The following EML4 variants were observed in gnomAD, a reference collection of about 807,000 sequenced individuals.
The protein encoded by EML4 is echinoderm microtubule-associated protein-like 4.
Under a neutral mutation model 129.0 loss-of-function variants are expected in EML4, and 72 were observed. The ratio of observed to expected loss-of-function variants is 0.56; its 90% CI spans 0.46 to 0.68. The LOEUF (loss-of-function observed/expected upper bound fraction) is 0.68, where lower values mean the gene tolerates loss of function less well. Among genes scored for constraint, EML4 ranks in the 30% least tolerant of loss-of-function variants. EML4 has a pLI of 0.00. For missense variants in EML4, 1,363 were observed against 1,190.6 expected (o/e 1.14, Z -2.13); for synonymous variants, 532 against 405.0 (o/e 1.31, Z -3.77).
intron 17 of EML4, among the ~76,000 whole-genome samples, chr2:42,312,159 G>T (rs1433496950): frequency 6.6e-6 from 1 of 152,166 alleles, no homozygotes; most frequent in Non-Finnish European, 1.5e-5. Context: ...AATTCGGTTA[G>T]CTTCCTGGAA....
At chr2:42,256,387 ATACTT>A in intron 2 of EML4, 109 bp from the exon 3 acceptor site, 1 of 973,082 alleles carries the variant, frequency 1.0e-6, no homozygotes, top group Non-Finnish European at 1.5e-6. Flanking sequence ...AAACAATAAT[ATACTT>A]AATTTTTTTT....
chr2:42,290,599 G>A (rs1424613415), intron 11 of EML4, among the ~76,000 whole-genome samples: 1 of 151,834 alleles, frequency 6.6e-6, no homozygotes, highest in Non-Finnish European at 1.5e-5. Context: ...GGGTATGGTG[G>A]TGCACATTTG....
chr2:42,325,563 G>C lies in EML4; in HGVS notation c.2242+9G>C, dbSNP rs1669740169. 1.2e-6 allele frequency: 1 copy of C among 855,336 alleles called. No homozygotes were observed. Among genetic ancestry groups the C allele is most frequent in the Non-Finnish European group, 1.7e-6 (1 of 573,786 alleles). The allele number at this position is 855,336 out of a possible 1,614,324, so 53.0% of individuals were successfully genotyped here. A position where few individuals can be genotyped will look rare whatever the true frequency, so the allele number is the denominator to read the frequency against. ...CTATGAAATATTGTACTGTAAGTAT[G>C]AATGATTTTATATATATATATATAT... On this transcript the variant is annotated intron_variant, in intron 20 of 22. Coordinates refer to ENST00000318522, the MANE Select transcript of EML4 (RefSeq NM_019063.5).
rs1171533109 is a variant in EML4 at position 42,264,718 on chromosome 2, C to G, written c.654C>G (p.Val218=). Residue 218 remains valine, a synonymous_variant, in exon 6 of 23, where the codon GTC becomes GTG. Coordinates refer to ENST00000318522, the MANE Select transcript of EML4 (RefSeq NM_019063.5). ...ATTTCTTTTCTAGGCATAAAGATGT[C>G]ATCATCAACCAAGGTAAATTAAAAA... ...VTKTADKHKD[V]IINQEGEYIK... 4 of 1,446,878 alleles carry G rather than the reference C, an allele frequency of 2.8e-6. No homozygotes were observed. The highest frequency in any genetic ancestry group is 3.8e-6 in the Non-Finnish European group (4 of 1,040,552). 89.6% of individuals were successfully genotyped at this position (1,446,878 alleles called of 1,614,324 possible).
intron 1 of EML4, among the ~76,000 whole-genome samples, chr2:42,245,201 T>G (rs1464984302): frequency 6.8e-6 from 1 of 147,888 alleles, no homozygotes; most frequent in Non-Finnish European, 1.5e-5. Context: ...TTCACATGAT[T>G]CTTGTGCCTC....
chr2:42,215,167 C>T (rs913577582), intron 1 of EML4, among the ~76,000 whole-genome samples: 1 of 152,168 alleles, frequency 6.6e-6, no homozygotes, highest in African/African-American at 2.4e-5. Context: ...TCAAGTGATC[C>T]TCACACTGCA....
intron 17 of EML4, among the ~76,000 whole-genome samples, chr2:42,305,972 T>G (rs558333222): frequency 6.6e-6 from 1 of 152,192 alleles, no homozygotes; most frequent in Non-Finnish European, 1.5e-5. Flanking sequence ...TTCTTACATA[T>G]AGTGCTGCAG....
intron 2 of EML4, among the ~76,000 whole-genome samples, chr2:42,249,222 G>T (rs973877242): frequency 2.0e-5 from 3 of 151,920 alleles, no homozygotes; most frequent in Admixed American, 2.0e-4. Context: ...AAATTATCTT[G>T]TAGGGATTTG....
At chr2:42,320,461 A>C (rs182624715) in intron 19 of EML4, among the ~76,000 whole-genome samples, 1 of 152,194 alleles carries the variant, frequency 6.6e-6, no homozygotes, top group East Asian at 1.9e-4. Flanking sequence ...TAACCATCTC[A>C]CCTACTAAGT....
At chr2:42,186,835 A>T (rs1671277201) in intron 1 of EML4, among the ~76,000 whole-genome samples, 1 of 152,106 alleles carries the variant, frequency 6.6e-6, no homozygotes, top group African/African-American at 2.4e-5. Context: ...TAATAAAATG[A>T]CAATTTTAGG....
chr2:42,212,732 T>A (rs2104033592), intron 1 of EML4, among the ~76,000 whole-genome samples: 1 of 152,352 alleles, frequency 6.6e-6, no homozygotes, highest in East Asian at 1.9e-4. Context: ...TATATCTTTA[T>A]CACATTTTCC....
intron 1 of EML4, among the ~76,000 whole-genome samples, chr2:42,209,032 G>A (rs1053153091): frequency 6.6e-6 from 1 of 151,952 alleles, no homozygotes; most frequent in Non-Finnish European, 1.5e-5. Context: ...AGAGTCCATC[G>A]CTAGACACTA....
chr2:42,204,613 A>G (rs530843576), intron 1 of EML4, among the ~76,000 whole-genome samples: 115 of 152,318 alleles, frequency 7.5e-4, no homozygotes, highest in African/African-American at 2.5e-3. Context: ...TTTTTCAGCT[A>G]TTTAAAAATG....
intron 6 of EML4, 76 bp from the exon 7 acceptor site, chr2:42,280,774 A>G: frequency 9.0e-7 from 1 of 1,115,002 alleles, no homozygotes; most frequent in Non-Finnish European, 1.3e-6. Flanking sequence ...TTTTTATTGT[A>G]TCACGTTAAT....
rs139657050 is a variant in EML4, at chr2:42,192,211, G to GTTT, written c.25+22582_25+22584dup. Among the ~76,000 whole-genome samples, 87 of 139,142 alleles carry GTTT rather than the reference G, an allele frequency of 6.3e-4. 1 individual carries two copies. Among genetic ancestry groups the GTTT allele is most frequent in the East Asian group, 1.7e-3 (8 of 4,728 alleles). 91.3% of individuals were successfully genotyped at this position (139,142 alleles called of 152,430 possible). A position where few individuals can be genotyped will look rare whatever the true frequency, so the allele number is the denominator to read the frequency against. On this transcript the variant is annotated intron_variant, in intron 1 of 22. Coordinates refer to ENST00000318522, the MANE Select transcript of EML4 (RefSeq NM_019063.5). ...GTGAAAGTTACTCTTTTCTTTGCTGGTTTTTTTTTGTTGTTTTTTTGTTTT... is the reference window on the plus strand; with the variant it reads ...GTGAAAGTTACTCTTTTCTTTGCTGGTTTTTTTTTTTTGTTGTTTTTTTGTTTT...
intron 1 of EML4, among the ~76,000 whole-genome samples, chr2:42,221,888 G>GC (rs1673628862): frequency 6.6e-6 from 1 of 152,000 alleles, no homozygotes. Context: ...ACAGGCATGA[G>GC]CCACCACTCC....
intron 1 of EML4, among the ~76,000 whole-genome samples, chr2:42,177,726 C>T (rs1179616633): frequency 1.3e-5 from 2 of 152,168 alleles, no homozygotes; most frequent in East Asian, 3.8e-4. Context: ...ATAAAGAATT[C>T]TGTGCCAGAT....
At chr2:42,243,201 A>G (rs1204427459) in intron 1 of EML4, among the ~76,000 whole-genome samples, 1 of 152,202 alleles carries the variant, frequency 6.6e-6, no homozygotes, top group East Asian at 1.9e-4. Flanking sequence ...GGACCAAGAA[A>G]TATGGTGGAG....
intron 17 of EML4, among the ~76,000 whole-genome samples, chr2:42,308,658 A>G (rs978777398): frequency 3.3e-5 from 5 of 152,224 alleles, no homozygotes; most frequent in African/African-American, 1.2e-4. Context: ...TCACAGGGTT[A>G]TGCAGCTATC....
Sources: gnomAD v4.1 joint callset for allele counts (sites outside exome capture counted in the v4.1 genomes callset) on GRCh38, gnomAD v4.1.1 for gene constraint, MANE v1.5 for transcripts, NCBI Gene and HGNC (gene_info 2026-07-23, HGNC 2026-07-21) for gene names.